The following HACE1 variants were observed in gnomAD, a reference collection of about 807,000 sequenced individuals.
HACE1 encodes E3 ubiquitin-protein ligase HACE1.
HACE1 carries 73 observed loss-of-function variants against 118.4 expected under a neutral mutation model. The ratio of observed to expected loss-of-function variants is 0.62; its 90% CI spans 0.51 to 0.75. The LOEUF is 0.75. HACE1 is among the 30% of genes least tolerant of loss of function. The pLI is 0.00. For synonymous variants in HACE1, 368 were observed against 374.8 expected, an observed-to-expected ratio of 0.98 and a Z score of 0.21; for missense variants, 749 against 1,102.2, an observed-to-expected ratio of 0.68 and a Z score of 4.54.
intron 14 of HACE1, 40 bp downstream of exon 14, chr6:104,784,046 T>C: frequency 1.0e-6 from 1 of 973,620 alleles, no homozygotes; most frequent in Non-Finnish European, 1.7e-6. Context: ...TAGAAATTAA[T>C]TTCATTAGAT....
At chr6:104,737,386 A>T (rs572899147) in intron 22 of HACE1, among the ~76,000 whole-genome samples, 1 of 151,726 alleles carries the variant, frequency 6.6e-6, no homozygotes, top group Non-Finnish European at 1.5e-5. Flanking sequence ...CACGCAAAAG[A>T]TGGTGATTTC....
intron 7 of HACE1, among the ~76,000 whole-genome samples, chr6:104,802,976 TAAAG>T (rs947329548): frequency 2.6e-5 from 4 of 151,826 alleles, no homozygotes; most frequent in Non-Finnish European, 5.9e-5. Context: ...GCAAGACTAA[TAAAG>T]AAGAAGAGAG....
intron 4 of HACE1, 57 bp from the exon 5 acceptor site, chr6:104,843,355 A>G (rs1775299445): frequency 2.4e-6 from 2 of 820,956 alleles, no homozygotes; most frequent in Non-Finnish European, 4.3e-6. Flanking sequence ...TGCAAATGAC[A>G]ATTAATTTAC....
intron 22 of HACE1, among the ~76,000 whole-genome samples, chr6:104,741,059 C>A (rs2114479463): frequency 1.6e-5 from 2 of 124,630 alleles, no homozygotes; most frequent in East Asian, 2.2e-4. Flanking sequence ...AAGACAAAAA[C>A]CACATGATTA....
chr6:104,855,443 G>A (rs1402430866), intron 1 of HACE1, among the ~76,000 whole-genome samples: 2 of 149,686 alleles, frequency 1.3e-5, no homozygotes, highest in African/African-American at 2.5e-5. Flanking sequence ...ACTCCATCTC[G>A]GAAAAAAAAA....
chr6:104,817,971 A>C (rs557940243), intron 6 of HACE1, among the ~76,000 whole-genome samples: 1 of 152,312 alleles, frequency 6.6e-6, no homozygotes, highest in East Asian at 1.9e-4. Context: ...TAGAAAGTTG[A>C]AAATTGTTGC....
chr6:104,731,847 GAACA>G, intron 22 of HACE1: 1 of 138,696 alleles, frequency 7.2e-6, no homozygotes, highest in East Asian at 2.0e-4. Context: ...TTGATATCCA[GAACA>G]TACAAAGAAT....
At chr6:104,730,692 T>G (rs548547764) in intron 22 of HACE1, 73 of 389,242 alleles carry the variant, frequency 1.9e-4, no homozygotes, top group African/African-American at 1.4e-3. Flanking sequence ...ATGCTACATT[T>G]ACAATTATTT....
intron 6 of HACE1, among the ~76,000 whole-genome samples, chr6:104,823,891 GA>G (rs1773045641): frequency 6.6e-6 from 1 of 152,132 alleles, no homozygotes; most frequent in South Asian, 2.1e-4. Context: ...GGAAGTCACA[GA>G]CAACCTGAAT....
intron 7 of HACE1, among the ~76,000 whole-genome samples, chr6:104,809,591 G>T (rs1771378589): frequency 6.6e-6 from 1 of 151,340 alleles, no homozygotes; most frequent in African/African-American, 2.4e-5. Context: ...TATTTAAAAT[G>T]TAACAACGAG....
chr6:104,765,575 G>T (rs977069092), intron 19 of HACE1, among the ~76,000 whole-genome samples: 2 of 152,162 alleles, frequency 1.3e-5, no homozygotes, highest in Non-Finnish European at 2.9e-5. Flanking sequence ...ACTGTTTTGT[G>T]ATCAGCAGAT....
At chr6:104,737,768 T>C (rs531684575) in intron 22 of HACE1, among the ~76,000 whole-genome samples, 30 of 152,314 alleles carry the variant, frequency 2.0e-4, no homozygotes, top group South Asian at 4.1e-4. Flanking sequence ...CCCGCCATTT[T>C]CCAGGCTTGA....
chr6:104,846,899 T>C (rs1352071018), intron 4 of HACE1, among the ~76,000 whole-genome samples: 1 of 152,212 alleles, frequency 6.6e-6, no homozygotes, highest in East Asian at 1.9e-4. Context: ...TCAAGAGTAA[T>C]CTTTATAGAA....
intron 19 of HACE1, among the ~76,000 whole-genome samples, chr6:104,762,419 A>G (rs1012862400): frequency 6.6e-6 from 1 of 152,158 alleles, no homozygotes. Context: ...TGAAGTGGGA[A>G]ACCATCATTC....
intron 6 of HACE1, among the ~76,000 whole-genome samples, chr6:104,826,275 T>C (rs1773321666): frequency 6.6e-6 from 1 of 152,212 alleles, no homozygotes; most frequent in South Asian, 2.1e-4. Flanking sequence ...CGACTCTAGA[T>C]ACTCGAGTTA....
intron 19 of HACE1, among the ~76,000 whole-genome samples, chr6:104,752,520 C>G (rs1228759329): frequency 6.6e-6 from 1 of 151,706 alleles, no homozygotes; most frequent in Non-Finnish European, 1.5e-5. Context: ...CTATTCTTCC[C>G]TAAAGAGACT....
At position 104,785,324 on chromosome 6, in the gene HACE1, G is replaced by C. The variant is rs375523279; in HGVS notation, c.1075-5C>G. 1 of 1,541,200 alleles carries C rather than the reference G, an allele frequency of 6.5e-7. No homozygotes were observed. Among genetic ancestry groups the C allele is most frequent in the African/African-American group, 1.4e-5 (1 of 72,742 alleles). On this transcript the variant is annotated splice_region_variant and splice_polypyrimidine_tract_variant and intron_variant, in intron 11 of 23. Transcript: ENST00000262903. Reference sequence around the variant, plus strand: ...GTGCCAAAGCAATTCCAGAGGCTGAGAGAAACAAAAGTGTTTTTTAAACAT... The same window carrying C: ...GTGCCAAAGCAATTCCAGAGGCTGACAGAAACAAAAGTGTTTTTTAAACAT...
chr6:104,737,352 CG>C (rs1288967814), intron 22 of HACE1, among the ~76,000 whole-genome samples: 1 of 151,338 alleles, frequency 6.6e-6, no homozygotes, highest in Non-Finnish European at 1.5e-5. Flanking sequence ...GGAACAGCTC[CG>C]GTCTACAGCT....
intron 19 of HACE1, among the ~76,000 whole-genome samples, chr6:104,765,428 C>G (rs61114969): frequency 0.11 from 16,714 of 152,218 alleles, 956 homozygotes; most frequent in Admixed American, 0.15. Context: ...ACCACAGGGG[C>G]TGTCTCATCA....
Sources: allele counts gnomAD v4.1 joint callset (sites outside exome capture counted in the v4.1 genomes callset), GRCh38; gene constraint gnomAD v4.1.1; transcripts MANE v1.5; gene names NCBI Gene and HGNC (gene_info 2026-07-23, HGNC 2026-07-21).